DPYSL2: variants seen among roughly 807,000 people sequenced by gnomAD.
DPYSL2 encodes the protein dihydropyrimidinase like 2, also known as dihydropyrimidinase-related protein 2.
A neutral mutation model predicts 69.9 loss-of-function variants in DPYSL2; 13 were observed. The ratio of observed to expected loss-of-function variants is 0.19; its 90% CI spans 0.12 to 0.30. The LOEUF (loss-of-function observed/expected upper bound fraction) is 0.30, where lower values mean the gene tolerates loss of function less well. DPYSL2 is among the 10% of genes least tolerant of loss of function. The pLI, the probability that DPYSL2 is intolerant of heterozygous loss-of-function variation, is 1.00. For synonymous variants in DPYSL2, 326 were observed against 359.1 expected, an observed-to-expected ratio of 0.91 and a Z score of 1.04; for missense variants, 587 against 918.9, an observed-to-expected ratio of 0.64 and a Z score of 4.67.
rs748180051 is a variant in DPYSL2 at position 26,571,746 on chromosome 8, C to T, written c.355-10223C>T. On this transcript the variant is annotated intron_variant, in intron 1 of 13. Coordinates refer to ENST00000521913, the MANE Select transcript of DPYSL2 (RefSeq NM_001197293.3). This position sits in a 1 kb window ranked among gnomAD's most constrained non-coding sequence, Gnocchi z 6.1. ...GTCTGTACAGTTCTAGCCAAAGCAG[C>T]GTCTGTTTCGGAGGGCCAGTCACTG... Among the ~76,000 whole-genome samples, 11 of 152,140 alleles carry T rather than the reference C, an allele frequency of 7.2e-5. No individual in the cohort carries two copies. Among genetic ancestry groups the T allele is most frequent in the Non-Finnish European group, 8.8e-5 (6 of 68,014 alleles).
At position 26,634,055 on chromosome 8, in the gene DPYSL2, T is replaced by C. The variant is rs576786247; in HGVS notation, c.1006-725T>C. Among the ~76,000 whole-genome samples, 173 of 152,340 alleles carry C rather than the reference T, an allele frequency of 1.1e-3. 2 individuals carry two copies. The highest frequency in any genetic ancestry group is 0.011 in the Admixed American group (172 of 15,310). ...CTGGGAGCAGAATGAATATATGGAA[T>C]TGAGAGCAATCAGTGTCTGTGTGTG... On this transcript the variant is annotated intron_variant, in intron 7 of 13. Coordinates refer to ENST00000521913, the MANE Select transcript of DPYSL2 (RefSeq NM_001197293.3).
intron 1 of DPYSL2, among the ~76,000 whole-genome samples, chr8:26,552,233 C>A (rs1800883879): frequency 6.6e-6 from 1 of 151,976 alleles, no homozygotes; most frequent in Admixed American, 6.6e-5. Context: ...TGGACCGCAG[C>A]AAAAACAGTG....
intron 1 of DPYSL2, among the ~76,000 whole-genome samples, chr8:26,569,063 G>A (rs431217): frequency 0.32 from 49,209 of 151,888 alleles, 8,728 homozygotes; most frequent in African/African-American, 0.48. Context: ...TCTTTTAAAA[G>A]CCTGGGGTGA....
intron 1 of DPYSL2, among the ~76,000 whole-genome samples, chr8:26,532,839 G>T (rs7000930): frequency 0.016 from 2,381 of 152,244 alleles, 55 homozygotes; most frequent in African/African-American, 0.052. Context: ...AATATTCATG[G>T]TAGAATCTGT....
intron 1 of DPYSL2, among the ~76,000 whole-genome samples, chr8:26,515,587 T>C (rs1357702555): frequency 6.6e-6 from 1 of 152,250 alleles, no homozygotes; most frequent in African/African-American, 2.4e-5. Flanking sequence ...TGTCACTTTC[T>C]GACAAATATG....
At chr8:26,616,153 C>G (rs188329157) in intron 3 of DPYSL2, among the ~76,000 whole-genome samples, 1 of 152,332 alleles carries the variant, frequency 6.6e-6, no homozygotes, top group East Asian at 1.9e-4. Flanking sequence ...AGTGGTAGAA[C>G]TGACCTGGAC....
chr8:26,546,943 A>G (rs1800781233), intron 1 of DPYSL2, among the ~76,000 whole-genome samples: 4 of 145,634 alleles, frequency 2.7e-5, no homozygotes, highest in Non-Finnish European at 6.1e-5. Flanking sequence ...AAAAAAAAAA[A>G]AAAAAAAAGA....
chr8:26,589,291 C>T (rs1449379692), intron 3 of DPYSL2, among the ~76,000 whole-genome samples: 1 of 152,246 alleles, frequency 6.6e-6, no homozygotes, highest in East Asian at 1.9e-4. Context: ...TGTGTGGCCT[C>T]TTCGCAAACG....
intron 7 of DPYSL2, among the ~76,000 whole-genome samples, chr8:26,630,402 TTTGTTCC>T (rs1441290979): frequency 2.3e-5 from 3 of 129,138 alleles, no homozygotes; most frequent in East Asian, 5.1e-4. Context: ...TTCCCAGGGC[TTTGTTCC>T]GCCCTGAAAC....
rs1364918257 is a variant in DPYSL2, at chr8:26,653,372, G to T, written c.1917G>T (p.Leu639=). ...AKQQAPPVRN[L]HQSGFSLSGA... Reference sequence around the variant, plus strand: ...AGCAGGCCCCACCTGTCCGGAACCTGCACCAGTCTGGATTCAGTTTGTCTG... The same window carrying T: ...AGCAGGCCCCACCTGTCCGGAACCTTCACCAGTCTGGATTCAGTTTGTCTG... The change falls in exon 13 of 14, where the codon CTG becomes CTT. Residue 639 remains leucine (L), a synonymous_variant. Coordinates refer to ENST00000521913, the MANE Select transcript of DPYSL2 (RefSeq NM_001197293.3). This position sits in a 1 kb window ranked among gnomAD's most constrained non-coding sequence, Gnocchi z 5.7. 6.2e-7 allele frequency: 1 copy of T among 1,613,904 alleles called. No individual in the cohort carries two copies. The highest frequency in any genetic ancestry group is 1.7e-5 in the Admixed American group (1 of 59,988).
chr8:26,594,915 C>T (rs372134528), intron 3 of DPYSL2, among the ~76,000 whole-genome samples: 9 of 152,258 alleles, frequency 5.9e-5, no homozygotes, highest in African/African-American at 9.6e-5. Flanking sequence ...GGCATGGTGA[C>T]TTATGCCTGT....
rs1802610454 is a variant in DPYSL2 at position 26,626,327 on chromosome 8, T to C, written c.794-290T>C. ...ATGTGCAAACACTGGCAACTTTTAA[T>C]TTTGATATACTTGTAAACTTACAGG... On this transcript the variant is annotated intron_variant, in intron 4 of 13. Transcript: ENST00000521913. The surrounding 1 kb of genome is among the most constrained non-coding windows in gnomAD (Gnocchi z 4.3). Among the ~76,000 whole-genome samples the C allele has an allele frequency of 6.6e-6, 1 of 152,210 alleles. No homozygotes were observed.
chr8:26,519,027 A>G (rs1379718712), intron 1 of DPYSL2, among the ~76,000 whole-genome samples: 3 of 152,176 alleles, frequency 2.0e-5, no homozygotes, highest in African/African-American at 4.8e-5. Flanking sequence ...GATAGAGAGG[A>G]GAATTGCTGT....
intron 1 of DPYSL2, among the ~76,000 whole-genome samples, chr8:26,556,669 G>T (rs1800993662): frequency 6.6e-6 from 1 of 151,768 alleles, no homozygotes; most frequent in South Asian, 2.1e-4. Flanking sequence ...GGATTGTCAT[G>T]ATCTTCCCGG....
chr8:26,602,084 T>G (rs1480798799), intron 3 of DPYSL2, among the ~76,000 whole-genome samples: 1 of 152,072 alleles, frequency 6.6e-6, no homozygotes, highest in Non-Finnish European at 1.5e-5. Context: ...ACAGAATACT[T>G]GAAGTTACTA....
intron 1 of DPYSL2, among the ~76,000 whole-genome samples, chr8:26,561,118 A>G (rs1801063462): frequency 6.6e-6 from 1 of 152,166 alleles, no homozygotes; most frequent in South Asian, 2.1e-4. Flanking sequence ...AGGGTTGGTC[A>G]TTGGGCATTT....
chr8:26,541,176 A>C (rs1253718079), intron 1 of DPYSL2, among the ~76,000 whole-genome samples: 1 of 152,214 alleles, frequency 6.6e-6, no homozygotes, highest in Non-Finnish European at 1.5e-5. Context: ...TGTCATTTTT[A>C]AGAGAATTTC....
Position 26,557,203 on chromosome 8 carries a change from T to TCAAAAGTAAAAAACCTTTTACTG in DPYSL2, c.355-24752_355-24751insCTTTTACTGCAAAAGTAAAAAAC, listed in dbSNP as rs1163370531. On this transcript the variant is annotated intron_variant, in intron 1 of 13. Coordinates refer to ENST00000521913, the MANE Select transcript of DPYSL2 (RefSeq NM_001197293.3). ...AAAAAAATAATTGATAAGCTGGACTTCAAAAGTAAAAAACTTCTGCTCTGT... is the reference window on the plus strand; with the variant it reads ...AAAAAAATAATTGATAAGCTGGACTTCAAAAGTAAAAAACCTTTTACTGCAAAAGTAAAAAACTTCTGCTCTGT... 1.1e-3 allele frequency among the ~76,000 whole-genome samples: 165 copies of TCAAAAGTAAAAAACCTTTTACTG among 152,180 alleles called. 1 individual carries two copies. Among genetic ancestry groups the TCAAAAGTAAAAAACCTTTTACTG allele is most frequent in the Non-Finnish European group, 2.2e-4 (15 of 68,006 alleles).
intron 1 of DPYSL2, among the ~76,000 whole-genome samples, chr8:26,544,879 G>A (rs1198246812): frequency 1.3e-5 from 2 of 152,190 alleles, no homozygotes; most frequent in Non-Finnish European, 2.9e-5. Flanking sequence ...AGACAAAATA[G>A]ACTTTAGGTC....
Sources: gnomAD v4.1 joint callset for allele counts (sites outside exome capture counted in the v4.1 genomes callset) on GRCh38, gnomAD v4.1.1 for gene constraint, Gnocchi (gnomAD v3.1) non-coding constraint, MANE v1.5 for transcripts, NCBI Gene and HGNC (gene_info 2026-07-23, HGNC 2026-07-21) for gene names.